RAC1: variants seen among roughly 807,000 people sequenced by gnomAD.
RAC1 encodes Rac family small GTPase 1, also known as ras-related C3 botulinum toxin substrate 1.
RAC1 carries 2 observed loss-of-function variants against 25.2 expected under a neutral mutation model. That is an observed-to-expected ratio of 0.08 (90% CI 0.03 to 0.25). RAC1 has a LOEUF of 0.25. Among genes scored for constraint, RAC1 ranks in the 10% least tolerant of loss-of-function variants. The probability of loss-of-function intolerance (pLI) is 1.00; values close to 1 mark genes in which losing one functional copy is unlikely to be tolerated. For missense variants in RAC1, 50 were observed against 235.7 expected (o/e 0.21, Z 5.16); for synonymous variants, 88 against 94.0 (o/e 0.94, Z 0.37).
intron 1 of RAC1, among the ~76,000 whole-genome samples, chr7:6,384,991 A>G (rs977206806): frequency 6.6e-6 from 1 of 151,262 alleles, no homozygotes; most frequent in African/African-American, 2.4e-5. Flanking sequence ...TTTTTAGTAG[A>G]GAACGGGTTT....
rs565226084 is a variant in RAC1 at position 6,389,572 on chromosome 7, C to G, written c.107+2289C>G. On this transcript the variant is annotated intron_variant, in intron 2 of 5. Coordinates refer to ENST00000348035, the MANE Select transcript of RAC1 (RefSeq NM_006908.5). Reference sequence around the variant, plus strand: ...GCACATGACTATAATCCCAGCTATTCGGGAGGCTGAGGCAGGAGGATTGCT... The same window carrying G: ...GCACATGACTATAATCCCAGCTATTGGGGAGGCTGAGGCAGGAGGATTGCT... Among the ~76,000 whole-genome samples, 3 of 151,826 alleles carry G rather than the reference C, an allele frequency of 2.0e-5. No homozygotes were observed. In the East Asian group the frequency reaches 5.8e-4, roughly 30 times the overall value.
chr7:6,385,236 A>T (rs562805553), intron 1 of RAC1, among the ~76,000 whole-genome samples: 1 of 152,180 alleles, frequency 6.6e-6, no homozygotes, highest in Non-Finnish European at 1.5e-5. Flanking sequence ...AAATTTAACA[A>T]CTGCACTTAC....
At chr7:6,386,859 A>G (rs1180626467) in intron 1 of RAC1, among the ~76,000 whole-genome samples, 2 of 151,978 alleles carry the variant, frequency 1.3e-5, no homozygotes, top group Admixed American at 6.6e-5. Flanking sequence ...ATTCTTGATG[A>G]GAGGCTCTAC....
chr7:6,377,504 G>A (rs34976351), intron 1 of RAC1, among the ~76,000 whole-genome samples: 2 of 152,268 alleles, frequency 1.3e-5, no homozygotes, highest in Non-Finnish European at 2.9e-5. Flanking sequence ...TAAGGTGGGA[G>A]GATCGCTTGA....
intron 3 of RAC1, among the ~76,000 whole-genome samples, chr7:6,396,053 G>A (rs1783227517): frequency 6.6e-6 from 1 of 152,184 alleles, no homozygotes; most frequent in Non-Finnish European, 1.5e-5. Flanking sequence ...TGTGATGCAG[G>A]AGTAACAAAG....
At chr7:6,402,201 C>T in intron 5 of RAC1, 115 bp from the exon 6 acceptor site, 1 of 1,481,578 alleles carries the variant, frequency 6.7e-7, no homozygotes, top group Middle Eastern at 1.9e-4. Context: ...AAGGTGGAAG[C>T]AGGGCTGGGA....
At chr7:6,396,978 C>A (rs1351795555) in intron 3 of RAC1, among the ~76,000 whole-genome samples, 25 of 150,620 alleles carry the variant, frequency 1.7e-4, no homozygotes, top group African/African-American at 6.1e-4. Context: ...TTGCAGTGAG[C>A]CAAGATCGTG....
At chr7:6,387,517 A>T (rs1234584329) in intron 2 of RAC1, among the ~76,000 whole-genome samples, 1 of 152,134 alleles carries the variant, frequency 6.6e-6, no homozygotes, top group Non-Finnish European at 1.5e-5. Context: ...GAGGGTCAGG[A>T]GTTCGAGACC....
intron 2 of RAC1, among the ~76,000 whole-genome samples, chr7:6,389,181 A>G (rs529720224): frequency 5.4e-5 from 8 of 147,770 alleles, no homozygotes; most frequent in African/African-American, 1.8e-4. Context: ...CAGCCTGGGT[A>G]ACAGAGTGAG....
chr7:6,388,141 G>A (rs906411092), intron 2 of RAC1, among the ~76,000 whole-genome samples: 4 of 152,036 alleles, frequency 2.6e-5, no homozygotes, highest in Admixed American at 2.6e-4. Flanking sequence ...AGACAGGAAA[G>A]TGCTGCTCTG....
At chr7:6,387,647 C>T (rs1316502101) in intron 2 of RAC1, among the ~76,000 whole-genome samples, 3 of 151,886 alleles carry the variant, frequency 2.0e-5, no homozygotes, top group African/African-American at 7.3e-5. Context: ...ATCACTCGAA[C>T]CGTGGAGGCG....
chr7:6,381,029 T>A (rs1336919731), intron 1 of RAC1, among the ~76,000 whole-genome samples: 3 of 151,634 alleles, frequency 2.0e-5, no homozygotes, highest in Non-Finnish European at 4.4e-5. Context: ...CCACCATGCC[T>A]GGCTAATTTT....
intron 1 of RAC1, among the ~76,000 whole-genome samples, chr7:6,384,688 C>G (rs1260198877): frequency 6.6e-6 from 1 of 152,146 alleles, no homozygotes; most frequent in Non-Finnish European, 1.5e-5. Context: ...CCAGGCTGGT[C>G]TTGAACTCCT....
intron 2 of RAC1, 90 bp downstream of exon 2, chr7:6,387,373 C>T (rs954667891): frequency 5.7e-5 from 52 of 917,168 alleles, no homozygotes; most frequent in Non-Finnish European, 7.9e-5. Context: ...CATCTTTAAT[C>T]CTCATATGAA....
intron 2 of RAC1, among the ~76,000 whole-genome samples, chr7:6,388,590 C>T (rs1294988012): frequency 2.0e-5 from 3 of 151,958 alleles, no homozygotes; most frequent in African/African-American, 7.2e-5. Context: ...GTGATCTGCC[C>T]ACTTCAGCCT....
chr7:6,389,629 A>G (rs562166619), intron 2 of RAC1, among the ~76,000 whole-genome samples: 1 of 152,166 alleles, frequency 6.6e-6, no homozygotes, highest in Non-Finnish European at 1.5e-5. Flanking sequence ...GCAGTGAGCC[A>G]AGATTGTGCC....
chr7:6,393,124 A>G (rs930566349), intron 3 of RAC1, among the ~76,000 whole-genome samples: 3 of 152,160 alleles, frequency 2.0e-5, no homozygotes, highest in African/African-American at 7.2e-5. Flanking sequence ...GACATCCTAG[A>G]GAAAGGCTGG....
intron 1 of RAC1, among the ~76,000 whole-genome samples, chr7:6,382,747 C>T (rs34476398): frequency 0.014 from 2,194 of 152,288 alleles, 29 homozygotes; most frequent in South Asian, 0.029. Context: ...GTGGTGCTTA[C>T]GTGTAGTCCC....
At chr7:6,390,150 A>T (rs1367431161) in intron 2 of RAC1, among the ~76,000 whole-genome samples, 1 of 119,102 alleles carries the variant, frequency 8.4e-6, no homozygotes, top group African/African-American at 3.3e-5. Flanking sequence ...CCCAGGCCGG[A>T]CTTGAAGTAC....
Sources: allele counts gnomAD v4.1 joint callset (sites outside exome capture counted in the v4.1 genomes callset), GRCh38; gene constraint gnomAD v4.1.1; transcripts MANE v1.5; gene names NCBI Gene and HGNC (gene_info 2026-07-23, HGNC 2026-07-21).